SMIM14: variants seen among roughly 807,000 people sequenced by gnomAD.
SMIM14 encodes small integral membrane protein 14, also known as chromosome 4 open reading frame 34.
SMIM14 carries 5 observed loss-of-function variants against 12.6 expected under a neutral mutation model. The ratio of observed to expected loss-of-function variants is 0.40; its 90% CI spans 0.21 to 0.83. The LOEUF (loss-of-function observed/expected upper bound fraction) is 0.83. Ranked by LOEUF, SMIM14 falls within the 40% of genes least tolerant of loss-of-function variation. The probability of loss-of-function intolerance (pLI) is 0.37; values close to 1 mark genes in which losing one functional copy is unlikely to be tolerated. For missense variants in SMIM14, 86 were observed against 119.1 expected (o/e 0.72, Z 1.29); for synonymous variants, 30 against 40.1 (o/e 0.75, Z 0.95).
intron 2 of SMIM14, among the ~76,000 whole-genome samples, chr4:39,576,467 C>G (rs995525129): frequency 6.6e-6 from 1 of 150,968 alleles, no homozygotes; most frequent in Non-Finnish European, 1.5e-5. Flanking sequence ...GAGTCAGTAT[C>G]AAGGAACCAA....
chr4:39,562,270 G>A (rs1222412239), intron 3 of SMIM14, among the ~76,000 whole-genome samples: 3 of 152,042 alleles, frequency 2.0e-5, no homozygotes, highest in Middle Eastern at 3.4e-3. Context: ...CCAGCTACTC[G>A]GGAGGCTGAG....
intron 3 of SMIM14, among the ~76,000 whole-genome samples, chr4:39,565,058 A>C (rs566937569): frequency 1.3e-5 from 2 of 151,992 alleles, no homozygotes; most frequent in South Asian, 2.1e-4. Flanking sequence ...CAAAATAAAA[A>C]ACAAACAAAA....
At chr4:39,597,084 C>CTTTTTTTTTTTTTTTTT (rs1436675514) in intron 2 of SMIM14, among the ~76,000 whole-genome samples, 1 of 133,258 alleles carries the variant, frequency 7.5e-6, no homozygotes, top group Non-Finnish European at 1.6e-5. Flanking sequence ...CCCAGGTTTC[C>CTTTTTTTTTTTTTTTTT]CTTTTTTTTT....
At chr4:39,580,726 C>T (rs1019709837) in intron 2 of SMIM14, among the ~76,000 whole-genome samples, 7 of 151,672 alleles carry the variant, frequency 4.6e-5, no homozygotes, top group African/African-American at 1.5e-4. Context: ...GGGGTTTCAC[C>T]ATGTTGGTCA....
At chr4:39,610,051 C>G (rs113411340) in intron 1 of SMIM14, among the ~76,000 whole-genome samples, 4 of 152,102 alleles carry the variant, frequency 2.6e-5, no homozygotes, top group Non-Finnish European at 5.9e-5. Flanking sequence ...AGTGCAGTGG[C>G]GCGAACACAC....
chr4:39,628,819 A>G (rs962914753), intron 1 of SMIM14, among the ~76,000 whole-genome samples: 57 of 143,744 alleles, frequency 4.0e-4, no homozygotes, highest in African/African-American at 1.3e-3. Flanking sequence ...TGCAACCTCC[A>G]CCTCCTGGGT....
intron 1 of SMIM14, among the ~76,000 whole-genome samples, chr4:39,609,652 C>T (rs979771036): frequency 2.0e-5 from 3 of 152,266 alleles, no homozygotes; most frequent in South Asian, 2.1e-4. Flanking sequence ...GGGAGTCATG[C>T]CACAAAGGGT....
intron 1 of SMIM14, among the ~76,000 whole-genome samples, chr4:39,608,500 G>T (rs960148531): frequency 3.3e-5 from 5 of 152,296 alleles, no homozygotes; most frequent in African/African-American, 1.2e-4. Flanking sequence ...GTTACAACAT[G>T]AATGAACTTT....
chr4:39,605,962 T>C (rs1294550872), intron 1 of SMIM14, among the ~76,000 whole-genome samples: 2 of 152,072 alleles, frequency 1.3e-5, no homozygotes, highest in Non-Finnish European at 2.9e-5. Context: ...GGTCTTGAAC[T>C]CCTGACCTCA....
At chr4:39,625,632 G>C (rs865861320) in intron 1 of SMIM14, among the ~76,000 whole-genome samples, 1 of 152,056 alleles carries the variant, frequency 6.6e-6, no homozygotes, top group Non-Finnish European at 1.5e-5. Context: ...GTAGAGACGG[G>C]GTTTCACCAT....
At chr4:39,564,009 C>A (rs1300587409) in intron 3 of SMIM14, among the ~76,000 whole-genome samples, 1 of 152,156 alleles carries the variant, frequency 6.6e-6, no homozygotes, top group Non-Finnish European at 1.5e-5. Context: ...CTCACTGCAA[C>A]CTCCGCCTCC....
chr4:39,572,528 A>G, intron 2 of SMIM14, 65 bp from the exon 3 acceptor site: 1 of 1,399,250 alleles, frequency 7.1e-7, no homozygotes. Context: ...TAATTATTAG[A>G]AAGATCATGT....
intron 3 of SMIM14, among the ~76,000 whole-genome samples, chr4:39,569,383 A>C (rs1392222330): frequency 6.6e-6 from 1 of 152,222 alleles, no homozygotes; most frequent in African/African-American, 2.4e-5. Context: ...ATGTATAACA[A>C]GTCTCTTTAC....
intron 1 of SMIM14, among the ~76,000 whole-genome samples, chr4:39,609,574 G>T (rs940959119): frequency 6.6e-6 from 1 of 152,178 alleles, no homozygotes; most frequent in Non-Finnish European, 1.5e-5. Context: ...TGGAGGAACT[G>T]AAAGAAAGCC....
chr4:39,552,188 T>A, intron 4 of SMIM14, 30 bp from the exon 5 acceptor site: 1 of 1,544,326 alleles, frequency 6.5e-7, no homozygotes. Flanking sequence ...AATTATTTAA[T>A]TGACTTTTTA....
intron 1 of SMIM14, among the ~76,000 whole-genome samples, chr4:39,613,118 T>TA (rs1195359317): frequency 2.0e-5 from 3 of 151,766 alleles, no homozygotes; most frequent in Non-Finnish European, 4.4e-5. Context: ...CCACCACCCC[T>TA]AAAAAAAACA....
chr4:39,617,962 T>A (rs1271966915), intron 1 of SMIM14, among the ~76,000 whole-genome samples: 1 of 152,190 alleles, frequency 6.6e-6, no homozygotes, highest in Admixed American at 6.5e-5. Context: ...TTTTTTATCT[T>A]CTCCCAAGGT....
At chr4:39,586,078 G>A (rs1168621081) in intron 2 of SMIM14, among the ~76,000 whole-genome samples, 1 of 151,920 alleles carries the variant, frequency 6.6e-6, no homozygotes, top group African/African-American at 2.4e-5. Context: ...TCCTGCTGGG[G>A]GCTGGTGATT....
Position 39,572,493 on chromosome 4 carries a change from ATTAGAC to A in SMIM14, c.76-36_76-31del, listed in dbSNP as rs778521151. 1.0e-5 allele frequency: 16 copies of A among 1,577,326 alleles called. No homozygotes were observed. The South Asian group carries it at 1.7e-4, about 16-fold the overall frequency. On this transcript the variant is annotated intron_variant, in intron 2 of 4. Coordinates refer to ENST00000295958, the MANE Select transcript of SMIM14 (RefSeq NM_174921.3). ...AATGAATAAGAAAGGGAAGTTAGTG[ATTAGAC>A]TTAAACAAAAGTGGACCATAATTAT... is the stretch of plus-strand genomic sequence containing the variant.
Sources: gnomAD v4.1 joint callset for allele counts (sites outside exome capture counted in the v4.1 genomes callset) on GRCh38, gnomAD v4.1.1 for gene constraint, MANE v1.5 for transcripts, NCBI Gene and HGNC (gene_info 2026-07-23, HGNC 2026-07-21) for gene names.